IGF1R: variants seen among roughly 807,000 people sequenced by gnomAD.
The protein encoded by IGF1R is insulin-like growth factor 1 receptor.
IGF1R carries 44 observed loss-of-function variants against 144.6 expected under a neutral mutation model. That is an observed-to-expected ratio of 0.30 (90% CI 0.24 to 0.39). The LOEUF (loss-of-function observed/expected upper bound fraction) is 0.39, where lower values mean the gene tolerates loss of function less well. IGF1R is among the 10% of genes least tolerant of loss of function. IGF1R has a pLI of 1.00. For missense variants in IGF1R, 1,355 were observed against 1,833.7 expected, an observed-to-expected ratio of 0.74 and a Z score of 4.77; for synonymous variants, 795 against 722.8, an observed-to-expected ratio of 1.10 and a Z score of -1.60.
rs566568562 is a variant in IGF1R, at chr15:98,693,121, C to T, written c.95-14441C>T. Among the ~76,000 whole-genome samples the T allele has an allele frequency of 8.1e-4, 124 of 152,274 alleles. 1 individual carries two copies. Among genetic ancestry groups the T allele is most frequent in the African/African-American group, 2.8e-3 (117 of 41,562 alleles). On this transcript the variant is annotated intron_variant, in intron 1 of 20. Coordinates refer to ENST00000650285, the MANE Select transcript of IGF1R (RefSeq NM_000875.5). ...AGAGCTTGCAGCACCCCCCTGACCC[C>T]ATATGAACGTCCTTGCTATTTCCTG...
chr15:98,855,979 G>T (rs930036261), intron 2 of IGF1R, among the ~76,000 whole-genome samples: 1 of 152,250 alleles, frequency 6.6e-6, no homozygotes, highest in African/African-American at 2.4e-5. Flanking sequence ...GCTGCAACAC[G>T]GTGGCCAAAG....
intron 1 of IGF1R, among the ~76,000 whole-genome samples, chr15:98,675,891 T>C (rs1022774554): frequency 2.0e-5 from 3 of 149,324 alleles, no homozygotes; most frequent in Non-Finnish European, 3.0e-5. Flanking sequence ...AGAGGTGTGA[T>C]CTCTGTTCAA....
At chr15:98,948,932 C>T (rs547600482) in intron 20 of IGF1R, among the ~76,000 whole-genome samples, 13 of 152,330 alleles carry the variant, frequency 8.5e-5, no homozygotes, top group African/African-American at 1.4e-4. Context: ...GTAATGCTTT[C>T]GTTCCGATTT....
At position 98,920,880 on chromosome 15, in the gene IGF1R, C is replaced by T. The variant is rs1275395616; in HGVS notation, c.2202-1268C>T. ...GCCTCAGAGGCCCTTTCCCAAAGCCCTCTGCTCTCCCCTTCCAGGTTCTGA... is the reference window on the plus strand; with the variant it reads ...GCCTCAGAGGCCCTTTCCCAAAGCCTTCTGCTCTCCCCTTCCAGGTTCTGA... On this transcript the variant is annotated intron_variant, in intron 10 of 20. Transcript: ENST00000650285. Among the ~76,000 whole-genome samples, 5 of 152,302 alleles carry T rather than the reference C, an allele frequency of 3.3e-5. No individual in the cohort carries two copies. The East Asian group carries it at 9.7e-4, about 29-fold the overall frequency.
chr15:98,688,112 G>C (rs2053376722), intron 1 of IGF1R, among the ~76,000 whole-genome samples: 1 of 152,190 alleles, frequency 6.6e-6, no homozygotes, highest in Non-Finnish European at 1.5e-5. Context: ...CCTTACTGAA[G>C]GAAGGACATG....
chr15:98,649,520 C>CTTTTTTTT lies in IGF1R; in HGVS notation c.-58_-57insTTTTTTTT. On this transcript the variant is annotated 5_prime_UTR_variant, in exon 1 of 21. Transcript: ENST00000650285. ...TCCTTTCATTTCCTTTTTTTCTTTTCTTTTCTTTTTTTTTTTTTTTTTTTT... is the reference window on the plus strand; with the variant it reads ...TCCTTTCATTTCCTTTTTTTCTTTTCTTTTTTTTTTTTCTTTTTTTTTTTTTTTTTTTT... 9 of 857,964 alleles carry CTTTTTTTT rather than the reference C, an allele frequency of 1.0e-5. No homozygotes were observed. Among genetic ancestry groups the CTTTTTTTT allele is most frequent in the Admixed American group, 2.7e-5 (1 of 37,170 alleles). The allele number at this position is 857,964 out of a possible 1,614,324, so 53.1% of individuals were successfully genotyped here. A position where few individuals can be genotyped will look rare whatever the true frequency, so the allele number is the denominator to read the frequency against.
chr15:98,909,344 C>G (rs1405997831), intron 6 of IGF1R, among the ~76,000 whole-genome samples: 1 of 148,524 alleles, frequency 6.7e-6, no homozygotes, highest in Non-Finnish European at 1.5e-5. Flanking sequence ...TCACTGTAAC[C>G]TCCACCTCGG....
chr15:98,939,778 T>C (rs909667764), intron 18 of IGF1R, among the ~76,000 whole-genome samples: 2 of 152,224 alleles, frequency 1.3e-5, no homozygotes, highest in African/African-American at 2.4e-5. Flanking sequence ...GGGACCCACA[T>C]TGGTTTCTAA....
intron 2 of IGF1R, among the ~76,000 whole-genome samples, chr15:98,721,947 C>T (rs755615567): frequency 1.3e-4 from 20 of 152,186 alleles, no homozygotes; most frequent in East Asian, 7.7e-4. Flanking sequence ...GAAGTGGAAG[C>T]GAACACATTG....
intron 1 of IGF1R, among the ~76,000 whole-genome samples, chr15:98,679,941 T>A (rs2141211844): frequency 6.6e-6 from 1 of 150,722 alleles, no homozygotes; most frequent in African/African-American, 2.4e-5. Context: ...CAAAAAAGTT[T>A]AAAAAGTTAA....
intron 1 of IGF1R, among the ~76,000 whole-genome samples, chr15:98,700,195 G>A (rs2053692499): frequency 6.6e-6 from 1 of 152,194 alleles, no homozygotes; most frequent in South Asian, 2.1e-4. Flanking sequence ...CTGAGCGCAA[G>A]GAGGGTGTGC....
At chr15:98,861,919 A>C (rs1237142688) in intron 2 of IGF1R, among the ~76,000 whole-genome samples, 1 of 152,250 alleles carries the variant, frequency 6.6e-6, no homozygotes, top group South Asian at 2.1e-4. Context: ...CAAAATAAAA[A>C]TGGTAGCTTT....
In IGF1R at chr15:98,943,063, C is replaced by G. The variant is rs1163534536; in HGVS notation, c.3587+11C>G. ...TTACTCGGACGTCTGGTATGAGAAC[C>G]TTTACTGCATTGCCAGCCTGGAGCC... On this transcript the variant is annotated intron_variant, in intron 19 of 20. Transcript: ENST00000650285. The G allele has an allele frequency of 1.9e-6, 3 of 1,614,044 alleles. No homozygotes were observed. The highest frequency in any genetic ancestry group is 2.7e-5 in the African/African-American group (2 of 74,942).
intron 2 of IGF1R, among the ~76,000 whole-genome samples, chr15:98,889,651 A>G (rs533147870): frequency 1.9e-4 from 29 of 152,316 alleles, no homozygotes; most frequent in African/African-American, 6.0e-4. Flanking sequence ...ACTTGTATTT[A>G]TATGTCCATG....
intron 2 of IGF1R, among the ~76,000 whole-genome samples, chr15:98,872,457 A>G (rs1052481271): frequency 2.0e-5 from 3 of 152,178 alleles, no homozygotes; most frequent in African/African-American, 7.2e-5. Context: ...CTCCTACCCC[A>G]TGTACACTTC....
intron 1 of IGF1R, among the ~76,000 whole-genome samples, chr15:98,674,194 T>A (rs1338376350): frequency 6.6e-6 from 1 of 152,242 alleles, no homozygotes; most frequent in East Asian, 1.9e-4. Flanking sequence ...GGATTTGTTA[T>A]CACATCACGG....
chr15:98,923,844 A>T (rs774735522), intron 11 of IGF1R, 32 bp from the exon 12 acceptor site: 1 of 1,610,210 alleles, frequency 6.2e-7, no homozygotes, highest in Admixed American at 1.7e-5. Context: ...GGGAACCCAA[A>T]TCCAACTTTG....
rs71149408 is a variant in IGF1R at position 98,674,977 on chromosome 15, A to ATTTTTTTTTTTTTTTTTTTTTT, written c.94+25305_94+25326dup. Among the ~76,000 whole-genome samples the ATTTTTTTTTTTTTTTTTTTTTT allele has an allele frequency of 3.0e-4, 30 of 98,890 alleles. 1 individual carries two copies. Among genetic ancestry groups the ATTTTTTTTTTTTTTTTTTTTTT allele is most frequent in the African/African-American group, 1.1e-3 (27 of 23,946 alleles). 64.9% of individuals were successfully genotyped at this position (98,890 alleles called of 152,430 possible). A position where few individuals can be genotyped will look rare whatever the true frequency, so the allele number is the denominator to read the frequency against. ...AAATGCTAAATTTAGGTATTTTACAATTTTTTTTTTTTTTTTTTTTTTTTG... is the reference window on the plus strand; with the variant it reads ...AAATGCTAAATTTAGGTATTTTACAATTTTTTTTTTTTTTTTTTTTTTTTTTTTTTTTTTTTTTTTTTTTTTG... On this transcript the variant is annotated intron_variant, in intron 1 of 20. Transcript: ENST00000650285.
intron 19 of IGF1R, among the ~76,000 whole-genome samples, chr15:98,947,448 G>A (rs949065234): frequency 6.6e-6 from 1 of 152,198 alleles, no homozygotes; most frequent in African/African-American, 2.4e-5. Context: ...GCCCAGGACA[G>A]GTCCAGCTAG....
Sources: gnomAD v4.1 joint callset for allele counts (sites outside exome capture counted in the v4.1 genomes callset) on GRCh38, gnomAD v4.1.1 for gene constraint, MANE v1.5 for transcripts, NCBI Gene and HGNC (gene_info 2026-07-23, HGNC 2026-07-21) for gene names.